The following MGST2 variants were observed in gnomAD, a reference collection of about 807,000 sequenced individuals.
The protein encoded by MGST2 is glutathione peroxidase MGST2.
MGST2 carries 9 observed loss-of-function variants against 16.6 expected under a neutral mutation model. That is an observed-to-expected ratio of 0.54 (90% CI 0.33 to 0.95). The LOEUF is 0.95. MGST2 is among the 40% of genes least tolerant of loss of function. The pLI is 0.03. For synonymous variants in MGST2, 79 were observed against 68.0 expected (o/e 1.16, Z -0.79); for missense variants, 159 against 175.1 (o/e 0.91, Z 0.52).
chr4:139,730,721 T>C, intron 5 of MGST2: 2 of 1,511,910 alleles, frequency 1.3e-6, no homozygotes, highest in Admixed American at 1.8e-5. Flanking sequence ...GACTCACTGC[T>C]GTTTGAAGGG....
chr4:139,711,092 C>A lies in MGST2; in HGVS notation c.*48+6896C>A, dbSNP rs1727722775. Among the ~76,000 whole-genome samples the A allele has an allele frequency of 2.6e-5, 4 of 151,776 alleles. No homozygotes were observed. The South Asian group carries it at 8.3e-4, about 32-fold the overall frequency. On this transcript the variant is annotated intron_variant, in intron 5 of 5. Coordinates refer to the MGST2 transcript ENST00000616265. Reference sequence around the variant, plus strand: ...GCAGTGGCGTGATCACAATCCACTGCAGCCTTGACTTCCTGGGCTCAGGTG... The same window carrying A: ...GCAGTGGCGTGATCACAATCCACTGAAGCCTTGACTTCCTGGGCTCAGGTG...
chr4:139,719,540 T>C, intron 5 of MGST2: 1 of 1,613,908 alleles, frequency 6.2e-7, no homozygotes, highest in Non-Finnish European at 8.5e-7. Flanking sequence ...TATCTGCTGC[T>C]GTGCTGGGGG....
rs372938182 is a variant in MGST2, at chr4:139,692,794, A to G, written c.159-2403A>G. ...TCAGATAAGAGACACAAAAGCACAC[A>G]TGCCTATCAATTTATGTGGACAGAC... On this transcript the variant is annotated intron_variant, in intron 2 of 4. Transcript: ENST00000265498. Among the ~76,000 whole-genome samples, 6 of 152,320 alleles carry G rather than the reference A, an allele frequency of 3.9e-5. No individual in the cohort carries two copies. In the East Asian group the frequency reaches 5.8e-4, roughly 15 times the overall value.
At chr4:139,685,476 C>T (rs1731510666) in intron 2 of MGST2, 1 of 152,308 alleles carries the variant, frequency 6.6e-6, no homozygotes, top group Non-Finnish European at 1.5e-5. Flanking sequence ...CTTGATTACT[C>T]ATATCTATTT....
intron 5 of MGST2, chr4:139,719,133 G>GA: frequency 3.2e-6 from 2 of 620,388 alleles, no homozygotes; most frequent in Non-Finnish European, 5.4e-6. Context: ...ATTGCTGTGT[G>GA]AAAATCAGGT....
chr4:139,690,018 G>A (rs1240256879), intron 2 of MGST2, among the ~76,000 whole-genome samples: 1 of 152,120 alleles, frequency 6.6e-6, no homozygotes, highest in Non-Finnish European at 1.5e-5. Context: ...TTGAGACAGA[G>A]CCTTGCTCTG....
intron 1 of MGST2, among the ~76,000 whole-genome samples, chr4:139,670,038 G>A (rs1484772164): frequency 6.6e-6 from 1 of 152,130 alleles, no homozygotes; most frequent in African/African-American, 2.4e-5. Flanking sequence ...GAGATAATGA[G>A]GTCTGAGGGA....
chr4:139,678,783 C>CCG (rs1258756291), intron 2 of MGST2, 141 bp downstream of exon 2: 3 of 731,502 alleles, frequency 4.1e-6, no homozygotes, highest in Non-Finnish European at 7.3e-6. Context: ...ACAGCCAAGA[C>CCG]CGTTCTCAGA....
At chr4:139,740,552 G>C (rs1729130925) in exon 6 of MGST2, 1 of 152,078 alleles carries the variant, frequency 6.6e-6, no homozygotes, top group African/African-American at 2.4e-5. Context: ...TCCCCCTCCT[G>C]AGCTACTGTT....
At chr4:139,713,067 T>A (rs548809914) in intron 5 of MGST2, among the ~76,000 whole-genome samples, 1 of 152,344 alleles carries the variant, frequency 6.6e-6, no homozygotes, top group Admixed American at 6.5e-5. Context: ...AAAAGTTTCC[T>A]TGACTCTGAA....
At position 139,715,840 on chromosome 4, in the gene MGST2, G is replaced by A. The variant is rs915801022; in HGVS notation, c.*48+11644G>A. On this transcript the variant is annotated intron_variant, in intron 5 of 5. Coordinates refer to the MGST2 transcript ENST00000616265. The surrounding 1 kb of genome is among the most constrained non-coding windows in gnomAD (Gnocchi z 4.4). Reference sequence around the variant, plus strand: ...GTTTTATCAGCAAGGTCTTTATGCCGTGTATTTTGTGCTGAACTCCTATCT... The same window carrying A: ...GTTTTATCAGCAAGGTCTTTATGCCATGTATTTTGTGCTGAACTCCTATCT... Among the ~76,000 whole-genome samples the A allele has an allele frequency of 3.3e-5, 5 of 152,026 alleles. No homozygotes were observed. The highest frequency in any genetic ancestry group is 2.6e-4 in the Admixed American group (4 of 15,274).
intron 5 of MGST2, among the ~76,000 whole-genome samples, chr4:139,728,035 G>A (rs537336918): frequency 3.4e-4 from 52 of 152,272 alleles, no homozygotes; most frequent in Non-Finnish European, 6.0e-4. Context: ...GGCCAACATG[G>A]TGAAACCCCA....
chr4:139,682,334 A>G (rs1731294048), intron 2 of MGST2, among the ~76,000 whole-genome samples: 1 of 152,238 alleles, frequency 6.6e-6, no homozygotes, highest in Admixed American at 6.5e-5. Context: ...TGTGATATAC[A>G]ATAAAGCTAT....
intron 1 of MGST2, among the ~76,000 whole-genome samples, chr4:139,671,955 A>G (rs1433918733): frequency 6.6e-6 from 1 of 152,062 alleles, no homozygotes; most frequent in East Asian, 1.9e-4. Context: ...CTCTCATCAT[A>G]TTATTCCAAA....
chr4:139,684,632 C>T (rs1731452822), intron 2 of MGST2, among the ~76,000 whole-genome samples: 1 of 152,128 alleles, frequency 6.6e-6, no homozygotes, highest in Non-Finnish European at 1.5e-5. Context: ...ATCTGTAGGT[C>T]ATCTTTCTGG....
chr4:139,733,556 T>C (rs1451779243), intron 5 of MGST2, among the ~76,000 whole-genome samples: 1 of 86,240 alleles, frequency 1.2e-5, no homozygotes, highest in Non-Finnish European at 2.2e-5. Context: ...AAGCACAGTG[T>C]GAAAAAAAAA....
At chr4:139,725,778 G>A (rs758791896) in intron 5 of MGST2, 1 of 1,613,946 alleles carries the variant, frequency 6.2e-7, no homozygotes, top group South Asian at 1.1e-5. Context: ...TGCTGCACTG[G>A]GTATGGATTC....
chr4:139,678,806 TG>T, intron 2 of MGST2, 164 bp downstream of exon 2: 2 of 683,846 alleles, frequency 2.9e-6, no homozygotes, highest in Non-Finnish European at 5.3e-6. Context: ...CCAGAAAGTT[TG>T]AAGGGTTCGG....
intron 5 of MGST2, among the ~76,000 whole-genome samples, chr4:139,724,851 C>T (rs937582252): frequency 5.9e-5 from 9 of 151,578 alleles, no homozygotes; most frequent in African/African-American, 1.5e-4. Context: ...CTCCACCTCC[C>T]GGGTTCAAGC....
Sources: allele counts gnomAD v4.1 joint callset (sites outside exome capture counted in the v4.1 genomes callset), GRCh38; gene constraint gnomAD v4.1.1; non-coding constraint Gnocchi (gnomAD v3.1); transcripts MANE v1.5; gene names NCBI Gene and HGNC (gene_info 2026-07-23, HGNC 2026-07-21).